ADGRG4: variants seen among roughly 807,000 people sequenced by gnomAD.
ADGRG4 encodes the protein G protein-coupled receptor 112.
A neutral mutation model predicts 126.2 loss-of-function variants in ADGRG4; 122 were observed. The observed-to-expected ratio is 0.97, with a 90% CI of 0.83 to 1.12. The LOEUF (loss-of-function observed/expected upper bound fraction) is 1.12. ADGRG4 is among the 50% of genes most tolerant of loss of function. ADGRG4 has a pLI of 0.00. For synonymous variants in ADGRG4, 943 were observed against 838.7 expected (o/e 1.12, Z -2.15); for missense variants, 2,481 against 2,251.8 (o/e 1.10, Z -2.06).
At chrX:136,413,057 A>ATT (rs11391872) in intron 24 of ADGRG4, among the ~76,000 whole-genome samples, 3 of 106,982 alleles carry the variant, frequency 2.8e-5, no homozygotes, top group Non-Finnish European at 5.8e-5. Flanking sequence ...ACTTTATTTT[A>ATT]TTTTTTTTCT....
intron 1 of ADGRG4, among the ~76,000 whole-genome samples, chrX:136,303,547 G>A (rs1236131300): frequency 8.9e-6 from 1 of 112,295 alleles, no homozygotes; most frequent in Non-Finnish European, 1.9e-5. Context: ...GTATCATTAT[G>A]CAAAATAATA....
chrX:136,326,748 A>T (rs1435822588), intron 5 of ADGRG4, among the ~76,000 whole-genome samples: 1 of 111,466 alleles, frequency 9.0e-6, no homozygotes, highest in African/African-American at 3.3e-5. Flanking sequence ...AATATGAGTG[A>T]TTACAACATG....
At chrX:136,377,166 C>CCTTTTTTTTTTTTTTTTTTTTTT in intron 15 of ADGRG4, among the ~76,000 whole-genome samples, 1 of 65,829 alleles carries the variant, frequency 1.5e-5, no homozygotes, top group Non-Finnish European at 2.7e-5. Context: ...TGTTTTCTTT[C>CCTTTTTTTTTTTTTTTTTTTTTT]CTTTTTTTTT....
In ADGRG4 at chrX:136,345,682, G is replaced by C. The variant is rs1260594626; in HGVS notation, c.1976G>C (p.Arg659Thr). The change falls in exon 6 of 26, where the codon AGG (arginine) becomes ACG (threonine). Residue 659 changes from arginine (R) to threonine (T), a missense_variant. Arg to Thr is a moderately conservative substitution (Grantham distance 71, BLOSUM62 -1). Transcript: ENST00000394143. ...FSSNETIWTS[R>T]PDQALLASMN... ...AGCAATGAGACCATTTGGACTTCTAGGCCAGACCAGGCCCTGCTGGCATCT... is the reference window on the plus strand; with the variant it reads ...AGCAATGAGACCATTTGGACTTCTACGCCAGACCAGGCCCTGCTGGCATCT... 3 of 1,210,979 alleles carry C rather than the reference G, an allele frequency of 2.5e-6. No individual in the cohort carries two copies. Among genetic ancestry groups the C allele is most frequent in the South Asian group, 3.5e-5 (2 of 56,912 alleles).
At chrX:136,329,166 G>A (rs2074893164) in intron 5 of ADGRG4, among the ~76,000 whole-genome samples, 1 of 111,548 alleles carries the variant, frequency 9.0e-6, no homozygotes, top group African/African-American at 3.3e-5. Context: ...TCAACATGCT[G>A]AATTATATTT....
chrX:136,339,739 T>A (rs1003674735), intron 5 of ADGRG4, among the ~76,000 whole-genome samples: 1 of 112,414 alleles, frequency 8.9e-6, no homozygotes, highest in Non-Finnish European at 1.9e-5. Context: ...TGGTTGTCTC[T>A]TACACCATTT....
intron 12 of ADGRG4, among the ~76,000 whole-genome samples, chrX:136,362,739 G>T (rs2075135954): frequency 9.0e-6 from 1 of 111,615 alleles, no homozygotes; most frequent in Non-Finnish European, 1.9e-5. Context: ...CTCTACCTCT[G>T]TCCTTTCAGC....
intron 11 of ADGRG4, among the ~76,000 whole-genome samples, chrX:136,361,073 C>T (rs1603296645): frequency 9.1e-6 from 1 of 110,257 alleles, no homozygotes; most frequent in Admixed American, 9.7e-5. Context: ...CTTTGGGTGG[C>T]TGAGGTGGGA....
intron 4 of ADGRG4, among the ~76,000 whole-genome samples, chrX:136,321,041 C>A (rs2074836788): frequency 9.0e-6 from 1 of 111,712 alleles, no homozygotes; most frequent in Non-Finnish European, 1.9e-5. Context: ...TTATGCTCAC[C>A]GTAAAACCAG....
At chrX:136,361,696 A>G in intron 12 of ADGRG4, 109 bp downstream of exon 12, 1 of 493,098 alleles carries the variant, frequency 2.0e-6, no homozygotes, top group Non-Finnish European at 3.1e-6. Flanking sequence ...CTCCACCTCT[A>G]GTGCCAGTCT....
intron 1 of ADGRG4, among the ~76,000 whole-genome samples, chrX:136,302,983 A>G (rs1008122538): frequency 1.8e-5 from 2 of 111,370 alleles, no homozygotes; most frequent in African/African-American, 3.3e-5. Context: ...ATTAGCTACT[A>G]TGGTGTACTG....
chrX:136,347,136 G>T lies in ADGRG4; in HGVS notation c.3430G>T (p.Val1144Phe), dbSNP rs749721412. The T allele has an allele frequency of 1.7e-6, 2 of 1,208,509 alleles. No homozygotes were observed. The highest frequency in any genetic ancestry group is 1.8e-5 in the African/African-American group (1 of 56,831). The change falls in exon 6 of 26, where the codon GTC (valine) becomes TTC (phenylalanine). Residue 1144 changes from valine (V) to phenylalanine (F), a missense_variant. Coordinates refer to ENST00000394143, the MANE Select transcript of ADGRG4 (RefSeq NM_153834.4). ...DTVTPSTHTLVCSKPPPDNIP... is the reference protein window; with the variant it reads ...DTVTPSTHTLFCSKPPPDNIP... ...AGTAACCCCATCTACACACACTCTT[G>T]TCTGCTCAAAACCTCCCCCTGACAA...
Position 136,363,550 on chromosome X carries a change from C to T in ADGRG4, c.7351C>T (p.Leu2451Phe). 12 of 1,195,214 alleles carry T rather than the reference C, an allele frequency of 1.0e-5. No individual in the cohort carries two copies. The highest frequency in any genetic ancestry group is 1.4e-5 in the Non-Finnish European group (12 of 880,456). The change falls in exon 13 of 26, where the codon CTT (leucine) becomes TTT (phenylalanine). Residue 2451 changes from leucine to phenylalanine, a missense_variant. Coordinates refer to ENST00000394143, the MANE Select transcript of ADGRG4 (RefSeq NM_153834.4). The stretch of plus-strand genomic sequence containing the variant: ...TAAACAATGCAAATTGCTTCAAGAA[C>T]TTCCTGACAAGATTGTGGATCTTGC... Reference protein sequence around the residue: ...KFKQCKLLQELPDKIVDLANI... With the variant: ...KFKQCKLLQEFPDKIVDLANI...
intron 5 of ADGRG4, among the ~76,000 whole-genome samples, chrX:136,333,979 A>G (rs1284853792): frequency 9.0e-6 from 1 of 111,398 alleles, no homozygotes; most frequent in Non-Finnish European, 1.9e-5. Context: ...TATTTTTTCT[A>G]AATATTCCAT....
intron 8 of ADGRG4, among the ~76,000 whole-genome samples, chrX:136,355,284 C>A (rs1414616819): frequency 2.7e-5 from 3 of 110,195 alleles, no homozygotes; most frequent in African/African-American, 9.9e-5. Flanking sequence ...GGCACCGATT[C>A]CATTCATGAG....
intron 9 of ADGRG4, 94 bp downstream of exon 9, chrX:136,356,259 G>T: frequency 9.0e-6 from 5 of 556,670 alleles, no homozygotes; most frequent in African/African-American, 2.3e-5. Context: ...TATATTATCA[G>T]GCGAGGCTTT....
chrX:136,317,207 G>T (rs780285079), intron 4 of ADGRG4, among the ~76,000 whole-genome samples: 47 of 111,385 alleles, frequency 4.2e-4, no homozygotes, highest in Non-Finnish European at 6.4e-4. Flanking sequence ...TCTTAGAAAT[G>T]ACACCAAAAG....
intron 15 of ADGRG4, 69 bp downstream of exon 15, chrX:136,373,133 C>G: frequency 1.0e-6 from 1 of 986,333 alleles, no homozygotes; most frequent in African/African-American, 1.9e-5. Flanking sequence ...TCATTTACTC[C>G]TTGGGAGAGA....
chrX:136,309,557 G>A (rs1011514426), intron 4 of ADGRG4, among the ~76,000 whole-genome samples: 3 of 112,073 alleles, frequency 2.7e-5, no homozygotes, highest in Non-Finnish European at 3.8e-5. Flanking sequence ...GCCAGTGAGT[G>A]ACAACGCCTG....
Sources: gnomAD v4.1 joint callset for allele counts (sites outside exome capture counted in the v4.1 genomes callset) on GRCh38, gnomAD v4.1.1 for gene constraint, MANE v1.5 for transcripts, NCBI Gene and HGNC (gene_info 2026-07-23, HGNC 2026-07-21) for gene names.